Variants in SCNN1B observed in about 807,000 individuals in gnomAD.
SCNN1B encodes the protein epithelial sodium channel subunit beta.
Under a neutral mutation model 65.3 loss-of-function variants are expected in SCNN1B, and 46 were observed. The observed-to-expected ratio is 0.70, with a 90% confidence interval of 0.56 to 0.90. The LOEUF is 0.90. SCNN1B is among the 40% of genes least tolerant of loss of function. SCNN1B has a pLI of 0.00. For missense variants in SCNN1B, 751 were observed against 830.5 expected, an observed-to-expected ratio of 0.90 and a Z score of 1.18; for synonymous variants, 349 against 330.6, an observed-to-expected ratio of 1.06 and a Z score of -0.60.
In SCNN1B at chr16:23,380,894, C is replaced by T. The variant is rs1051430426; in HGVS notation, c.*93C>T. The T allele has an allele frequency of 1.1e-5, 16 of 1,410,176 alleles. No homozygotes were observed. In the East Asian group the frequency reaches 1.4e-4, roughly 12 times the overall value. The allele number at this position is 1,410,176 out of a possible 1,614,324, so 87.4% of individuals were successfully genotyped here. A position where few individuals can be genotyped will look rare whatever the true frequency, so the allele number is the denominator to read the frequency against. On this transcript the variant is annotated 3_prime_UTR_variant, in exon 13 of 13. Transcript: ENST00000343070. This position sits in a 1 kb window ranked among gnomAD's most constrained non-coding sequence, Gnocchi z 5.4. The stretch of plus-strand genomic sequence containing the variant: ...CTGTATGGTGCCCTCTCCAAAGGGT[C>T]GGGAGGGTAGCTCTCCAGGCCAGAG...
intron 1 of SCNN1B, among the ~76,000 whole-genome samples, chr16:23,303,364 G>A (rs1229094722): frequency 6.6e-6 from 1 of 152,098 alleles, no homozygotes; most frequent in Non-Finnish European, 1.5e-5. Context: ...GGGTGGATGG[G>A]TCTGAAAGCT....
At chr16:23,322,181 C>A (rs1425283517) in intron 1 of SCNN1B, among the ~76,000 whole-genome samples, 3 of 152,162 alleles carry the variant, frequency 2.0e-5, no homozygotes, top group Admixed American at 2.0e-4. Flanking sequence ...CAACTGTATT[C>A]ATTCCCGTAT....
At chr16:23,291,870 C>T (rs1296907583) in intron 2 of SCNN1B, among the ~76,000 whole-genome samples, 2 of 151,776 alleles carry the variant, frequency 1.3e-5, no homozygotes, top group Non-Finnish European at 2.9e-5. Context: ...CGTGAGCTAC[C>T]GCACCCAACC....
upstream of SCNN1B, among the ~76,000 whole-genome samples, chr16:23,301,864 G>A (rs34241435): frequency 0.13 from 19,098 of 152,150 alleles, 2,946 homozygotes; most frequent in African/African-American, 0.37. Context: ...TCCCCCTAAA[G>A]TCACCAACTT....
At chr16:23,325,111 C>T (rs760324797) in intron 1 of SCNN1B, among the ~76,000 whole-genome samples, 34 of 152,310 alleles carry the variant, frequency 2.2e-4, no homozygotes, top group Non-Finnish European at 4.1e-4. Flanking sequence ...TCTGGTGCAG[C>T]CACCTCCTCT....
intron 1 of SCNN1B, among the ~76,000 whole-genome samples, chr16:23,321,756 C>T (rs1961592963): frequency 6.6e-6 from 1 of 152,170 alleles, no homozygotes; most frequent in Admixed American, 6.5e-5. Flanking sequence ...GACGCAGTGC[C>T]TAACACTTGT....
chr16:23,330,131 C>T (rs1001424249), intron 1 of SCNN1B, among the ~76,000 whole-genome samples: 2 of 152,158 alleles, frequency 1.3e-5, no homozygotes, highest in Non-Finnish European at 2.9e-5. Context: ...CCATGTTTTG[C>T]AGCTACCCAT....
intron 2 of SCNN1B, among the ~76,000 whole-genome samples, chr16:23,290,771 A>G (rs1426557384): frequency 6.6e-6 from 1 of 152,238 alleles, no homozygotes; most frequent in Non-Finnish European, 1.5e-5. Context: ...CTTTTAGTAG[A>G]CCAAACCTAG....
chr16:23,341,410 A>G (rs1962052644), intron 1 of SCNN1B, among the ~76,000 whole-genome samples: 1 of 152,204 alleles, frequency 6.6e-6, no homozygotes, highest in South Asian at 2.1e-4. Context: ...ATAGAGTCTT[A>G]GATATGAAAC....
intron 7 of SCNN1B, 33 bp downstream of exon 7, chr16:23,371,916 G>A (rs1962794575): frequency 1.3e-6 from 2 of 1,520,024 alleles, no homozygotes; most frequent in Non-Finnish European, 9.1e-7. Context: ...ATGCCCCGGG[G>A]CCCCTGTCCG....
chr16:23,345,205 G>T (rs989701450), intron 1 of SCNN1B, among the ~76,000 whole-genome samples: 3 of 152,140 alleles, frequency 2.0e-5, no homozygotes, highest in Non-Finnish European at 4.4e-5. Flanking sequence ...TATTCTGTGG[G>T]GTGTCAGGCA....
chr16:23,290,489 G>T (rs1284368114), intron 2 of SCNN1B, among the ~76,000 whole-genome samples: 2 of 152,166 alleles, frequency 1.3e-5, no homozygotes, highest in South Asian at 2.1e-4. Context: ...TCTGTTTGTT[G>T]TAGAGACCAG....
At chr16:23,306,928 T>C (rs1006665720) in intron 1 of SCNN1B, among the ~76,000 whole-genome samples, 1 of 152,220 alleles carries the variant, frequency 6.6e-6, no homozygotes, top group African/African-American at 2.4e-5. Flanking sequence ...GTAACTAGTA[T>C]GTGCAGGTTC....
intron 4 of SCNN1B, among the ~76,000 whole-genome samples, chr16:23,356,789 C>G (rs1019857726): frequency 6.6e-6 from 1 of 152,160 alleles, no homozygotes. Flanking sequence ...TTCCCACCTC[C>G]TTGGCCTCCC....
At position 23,348,133 on chromosome 16, in the gene SCNN1B, T is replaced by C. The variant is rs1455359583; in HGVS notation, c.-8-459T>C. On this transcript the variant is annotated intron_variant, in intron 1 of 12. Coordinates refer to ENST00000343070, the MANE Select transcript of SCNN1B (RefSeq NM_000336.3). This position sits in a 1 kb window ranked among gnomAD's most constrained non-coding sequence, Gnocchi z 4.5. ...TCATGGGGAGGACATGTAAACTCCATATAGACAGTGGCCCTGGCTGGGAAT... is the reference window on the plus strand; with the variant it reads ...TCATGGGGAGGACATGTAAACTCCACATAGACAGTGGCCCTGGCTGGGAAT... 6.6e-6 allele frequency among the ~76,000 whole-genome samples: 1 copy of C among 152,118 alleles called. No individual in the cohort carries two copies. Among genetic ancestry groups the C allele is most frequent in the Non-Finnish European group, 1.5e-5 (1 of 68,038 alleles).
At chr16:23,326,418 T>C (rs920700105) in intron 1 of SCNN1B, among the ~76,000 whole-genome samples, 2 of 152,210 alleles carry the variant, frequency 1.3e-5, no homozygotes, top group African/African-American at 2.4e-5. Flanking sequence ...ATTTTTCCTA[T>C]GCACATAGAT....
chr16:23,279,887 C>T (rs913044502), intron 1 of SCNN1B, among the ~76,000 whole-genome samples: 68 of 152,152 alleles, frequency 4.5e-4, no homozygotes, highest in Non-Finnish European at 8.2e-4. Context: ...TGGAGAACAA[C>T]AGCTGACTTT....
At chr16:23,324,242 C>T (rs1357793121) in intron 1 of SCNN1B, among the ~76,000 whole-genome samples, 1 of 150,264 alleles carries the variant, frequency 6.7e-6, no homozygotes, top group African/African-American at 2.5e-5. Flanking sequence ...GGGTGGAGTG[C>T]AGCGGTACAG....
chr16:23,377,204 G>A lies in SCNN1B; in HGVS notation c.1310G>A (p.Arg437Lys), dbSNP rs375817973. The change falls in exon 9 of 13, where the codon AGA (arginine) becomes AAA (lysine). Residue 437 changes from arginine (R) to lysine (K), a missense_variant. Coordinates refer to ENST00000343070, the MANE Select transcript of SCNN1B (RefSeq NM_000336.3). ...YSDLQMSVAQ[R>K]ETCIGMCKES... ...GATCTACAGATGAGCGTGGCGCAGA[G>A]AGAGACCTGCATTGGCATGTGCAAG... The A allele has an allele frequency of 1.5e-4, 243 of 1,614,086 alleles. No homozygotes were observed. Among genetic ancestry groups the A allele is most frequent in the Non-Finnish European group, 2.0e-4 (233 of 1,180,022 alleles).
Sources: allele counts gnomAD v4.1 joint callset (sites outside exome capture counted in the v4.1 genomes callset), GRCh38; gene constraint gnomAD v4.1.1; non-coding constraint Gnocchi (gnomAD v3.1); transcripts MANE v1.5; gene names NCBI Gene and HGNC (gene_info 2026-07-23, HGNC 2026-07-21).